The following ATP8A2 variants were observed in gnomAD, a reference collection of about 807,000 sequenced individuals.
ATP8A2 encodes the protein ATPase phospholipid transporting 8A2, also known as phospholipid-transporting ATPase IB.
In ATP8A2, 100 loss-of-function variants were observed where a neutral mutation model predicts 165.6. That is an observed-to-expected ratio of 0.60 (90% confidence interval 0.51 to 0.71). The LOEUF is 0.71. Ranked by LOEUF, ATP8A2 falls within the 30% of genes least tolerant of loss-of-function variation. The probability of loss-of-function intolerance (pLI) is 0.00; values close to 1 mark genes in which losing one functional copy is unlikely to be tolerated. For missense variants in ATP8A2, 1,227 were observed against 1,479.5 expected, an observed-to-expected ratio of 0.83 and a Z score of 2.80; for synonymous variants, 543 against 548.8, an observed-to-expected ratio of 0.99 and a Z score of 0.15.
chr13:25,687,331 A>G (rs1306300437), intron 24 of ATP8A2, among the ~76,000 whole-genome samples: 1 of 152,212 alleles, frequency 6.6e-6, no homozygotes, highest in South Asian at 2.1e-4. Flanking sequence ...GAAAGGTTAT[A>G]TGATCCACAA....
At chr13:25,515,520 C>T (rs187302279) in intron 2 of ATP8A2, among the ~76,000 whole-genome samples, 33 of 152,354 alleles carry the variant, frequency 2.2e-4, no homozygotes, top group African/African-American at 7.2e-4. Flanking sequence ...ACTCAGAAGG[C>T]GTCTTGGAGG....
chr13:25,434,128 C>T (rs764482087), intron 1 of ATP8A2, among the ~76,000 whole-genome samples: 13 of 152,108 alleles, frequency 8.5e-5, no homozygotes, highest in Non-Finnish European at 1.5e-4. Flanking sequence ...GAAGAAATCT[C>T]GCGCTTGTTG....
At chr13:26,000,810 C>T (rs1023310604) in intron 35 of ATP8A2, among the ~76,000 whole-genome samples, 3 of 151,840 alleles carry the variant, frequency 2.0e-5, no homozygotes, top group Admixed American at 2.0e-4. Flanking sequence ...TAGGAGGGAA[C>T]TGACCTTGAT....
chr13:25,519,038 T>C (rs1316381564), intron 2 of ATP8A2, among the ~76,000 whole-genome samples: 1 of 152,154 alleles, frequency 6.6e-6, no homozygotes, highest in Non-Finnish European at 1.5e-5. Context: ...TCATTTCAGT[T>C]CTCTTCATAC....
At chr13:25,397,686 C>T (rs1191970788) in intron 1 of ATP8A2, among the ~76,000 whole-genome samples, 1 of 152,182 alleles carries the variant, frequency 6.6e-6, no homozygotes, top group Non-Finnish European at 1.5e-5. Flanking sequence ...AGGATCATGA[C>T]CTGTGACAGC....
chr13:25,953,071 G>T lies in ATP8A2; in HGVS notation c.3184-8504G>T, dbSNP rs1425260206. 2.0e-5 allele frequency among the ~76,000 whole-genome samples: 3 copies of T among 152,162 alleles called. No homozygotes were observed. Among genetic ancestry groups the T allele is most frequent in the South Asian group, 2.1e-4 (1 of 4,828 alleles). ...AGAAGGTGGCAATGGCAACTGCAAG[G>T]GTTCTTCCAAATCCGATTGTCCTGA... On this transcript the variant is annotated intron_variant, in intron 33 of 36. Transcript: ENST00000381655. This position sits in a 1 kb window ranked among gnomAD's most constrained non-coding sequence, Gnocchi z 6.7.
chr13:25,592,921 T>C (rs2040129647), intron 24 of ATP8A2, among the ~76,000 whole-genome samples: 1 of 152,228 alleles, frequency 6.6e-6, no homozygotes, highest in Admixed American at 6.5e-5. Context: ...TTTAGTATAA[T>C]GACTGTAATT....
At position 25,468,581 on chromosome 13, in the gene ATP8A2, G is replaced by A. The variant is rs1046804900; in HGVS notation, c.77-396G>A. Among the ~76,000 whole-genome samples the A allele has an allele frequency of 1.8e-4, 28 of 152,208 alleles. 1 individual carries two copies. Reference sequence around the variant, plus strand: ...CGGGACTAGAGGGTACGCTCGGCCAGATGGCTGGGGGTGCCGCTGGCCTTG... The same window carrying A: ...CGGGACTAGAGGGTACGCTCGGCCAAATGGCTGGGGGTGCCGCTGGCCTTG... On this transcript the variant is annotated intron_variant, in intron 1 of 36. Transcript: ENST00000381655.
chr13:25,604,223 A>G (rs997338644), intron 24 of ATP8A2, among the ~76,000 whole-genome samples: 4 of 152,190 alleles, frequency 2.6e-5, no homozygotes, highest in Non-Finnish European at 5.9e-5. Context: ...AAAGTCTTTC[A>G]AGAAGAAGGG....
intron 1 of ATP8A2, among the ~76,000 whole-genome samples, chr13:25,417,678 T>C (rs2034174925): frequency 6.6e-6 from 1 of 152,226 alleles, no homozygotes; most frequent in Admixed American, 6.5e-5. Flanking sequence ...TCTGACTCAC[T>C]ATATTTGGGG....
chr13:25,763,264 A>G (rs1398560251), intron 25 of ATP8A2, among the ~76,000 whole-genome samples: 2 of 152,120 alleles, frequency 1.3e-5, no homozygotes, highest in African/African-American at 4.8e-5. Flanking sequence ...AATACGTCCC[A>G]CCTTAGACCC....
intron 1 of ATP8A2, among the ~76,000 whole-genome samples, chr13:25,421,494 C>T (rs926924810): frequency 6.6e-6 from 1 of 152,042 alleles, no homozygotes; most frequent in African/African-American, 2.4e-5. Context: ...GCCACTGCAC[C>T]TGGGTATTTT....
chr13:25,739,178 A>C (rs1208158738), intron 25 of ATP8A2, among the ~76,000 whole-genome samples: 1 of 152,196 alleles, frequency 6.6e-6, no homozygotes, highest in Admixed American at 6.5e-5. Context: ...CAGAGCCTGA[A>C]CTGGAGTGTC....
Position 25,538,015 on chromosome 13 carries a change from G to A in ATP8A2, c.535G>A (p.Val179Ile), listed in dbSNP as rs567911133. The change falls in exon 7 of 37, where the codon GTC becomes ATC. Residue 179 changes from valine (V) to isoleucine (I), a missense_variant. Coordinates refer to ENST00000381655, the MANE Select transcript of ATP8A2 (RefSeq NM_016529.6). ...GGCAGTGGGAGACATTGTGAAGGTCGTCAATGGGCAGTATCTTCCAGCAGA... is the reference window on the plus strand; with the variant it reads ...GGCAGTGGGAGACATTGTGAAGGTCATCAATGGGCAGTATCTTCCAGCAGA... ...EVAVGDIVKV[V>I]NGQYLPADVV... 5.9e-5 allele frequency: 96 copies of A among 1,613,826 alleles called. No individual in the cohort carries two copies. Among genetic ancestry groups the A allele is most frequent in the Middle Eastern group, 1.7e-4 (1 of 6,058 alleles).
chr13:25,426,780 C>A (rs1027196547), intron 1 of ATP8A2, among the ~76,000 whole-genome samples: 13 of 151,650 alleles, frequency 8.6e-5, no homozygotes, highest in African/African-American at 2.7e-4. Context: ...CTGTCTCTAC[C>A]AAAAATATAA....
intron 27 of ATP8A2, among the ~76,000 whole-genome samples, chr13:25,826,684 C>T (rs995028976): frequency 2.6e-5 from 4 of 152,192 alleles, no homozygotes; most frequent in Admixed American, 2.0e-4. Flanking sequence ...ACACAGATAA[C>T]GTTGATTCTA....
Position 25,431,512 on chromosome 13 carries a change from A to G in ATP8A2, c.77-37465A>G, listed in dbSNP as rs565796788. Among the ~76,000 whole-genome samples the G allele has an allele frequency of 8.0e-4, 122 of 152,120 alleles. 1 individual carries two copies. Among genetic ancestry groups the G allele is most frequent in the South Asian group, 2.5e-3 (12 of 4,790 alleles). On this transcript the variant is annotated intron_variant, in intron 1 of 36. Transcript: ENST00000381655. ...CTTTTACTTCGGCGGCGGGGGGGGA[A>G]TCTCATACAATTATGATGGAATGGG... is the stretch of plus-strand genomic sequence containing the variant.
intron 25 of ATP8A2, among the ~76,000 whole-genome samples, chr13:25,708,268 G>A (rs2043093397): frequency 6.6e-6 from 1 of 152,134 alleles, no homozygotes; most frequent in Admixed American, 6.5e-5. Flanking sequence ...GAATATTTAT[G>A]TCCCCAAGTC....
At chr13:25,989,414 ATTTAT>A (rs1956339216) in intron 35 of ATP8A2, among the ~76,000 whole-genome samples, 1 of 152,204 alleles carries the variant, frequency 6.6e-6, no homozygotes, top group South Asian at 2.1e-4. Flanking sequence ...CAATTAGCAC[ATTTAT>A]TTTATTTTTC....
Sources: gnomAD v4.1 joint callset for allele counts (sites outside exome capture counted in the v4.1 genomes callset) on GRCh38, gnomAD v4.1.1 for gene constraint, Gnocchi (gnomAD v3.1) non-coding constraint, MANE v1.5 for transcripts, NCBI Gene and HGNC (gene_info 2026-07-23, HGNC 2026-07-21) for gene names.